The following SYTL2 variants were observed in gnomAD, a reference collection of about 807,000 sequenced individuals.
The protein encoded by SYTL2 is synaptotagmin-like protein 2.
A neutral mutation model predicts 198.7 loss-of-function variants in SYTL2; 165 were observed. That is an observed-to-expected ratio of 0.83 (90% CI 0.73 to 0.94). SYTL2 has a LOEUF of 0.94. Among genes scored for constraint, SYTL2 ranks in the 40% least tolerant of loss-of-function variants. The pLI is 0.00. For synonymous variants in SYTL2, 966 were observed against 917.7 expected (o/e 1.05, Z -0.95); for missense variants, 2,835 against 2,582.8 (o/e 1.10, Z -2.12).
chr11:85,739,526 T>C (rs979920552), intron 4 of SYTL2, among the ~76,000 whole-genome samples: 1 of 151,910 alleles, frequency 6.6e-6, no homozygotes, highest in Admixed American at 6.6e-5. Flanking sequence ...AAAACAAGAG[T>C]CTTATTTCCT....
chr11:85,697,838 T>C (rs2083629505), intron 18 of SYTL2, 141 bp downstream of exon 18: 2 of 596,016 alleles, frequency 3.4e-6, no homozygotes, highest in Non-Finnish European at 5.9e-6. Context: ...TATAGATTCC[T>C]CCAATTCATG....
chr11:85,843,849 A>G, the SYTL2 span, among the ~76,000 whole-genome samples: 1 of 152,216 alleles, frequency 6.6e-6, no homozygotes, highest in Admixed American at 6.5e-5. Flanking sequence ...AAATTGAGAC[A>G]CAGAAAGGTA....
intron 18 of SYTL2, among the ~76,000 whole-genome samples, chr11:85,696,732 A>G (rs1231048535): frequency 6.6e-6 from 1 of 152,210 alleles, no homozygotes; most frequent in Non-Finnish European, 1.5e-5. Context: ...ATTAAATAAC[A>G]TATGCAAAAC....
chr11:85,852,211 C>T, the SYTL2 span, among the ~76,000 whole-genome samples: 1 of 152,076 alleles, frequency 6.6e-6, no homozygotes, highest in Non-Finnish European at 1.5e-5. Flanking sequence ...TTCAAGAATG[C>T]CAAACAGGTG....
At chr11:85,827,346 A>G in the SYTL2 span, among the ~76,000 whole-genome samples, 1 of 152,144 alleles carries the variant, frequency 6.6e-6, no homozygotes, top group Non-Finnish European at 1.5e-5. Context: ...GAAATGAGGA[A>G]AAGGGATCCC....
intron 7 of SYTL2, among the ~76,000 whole-genome samples, chr11:85,731,035 T>G (rs541426982): frequency 1.1e-3 from 166 of 152,308 alleles, no homozygotes; most frequent in African/African-American, 3.8e-3. Context: ...ACAAGGGATG[T>G]GAAGGATCTC....
At chr11:85,761,508 C>G (rs748330129) in intron 1 of SYTL2, among the ~76,000 whole-genome samples, 2 of 152,120 alleles carry the variant, frequency 1.3e-5, no homozygotes, top group Non-Finnish European at 2.9e-5. Context: ...CTGTATTAGG[C>G]CTTGTGAGGA....
chr11:85,754,295 C>T (rs2091728317), intron 2 of SYTL2, among the ~76,000 whole-genome samples: 1 of 152,144 alleles, frequency 6.6e-6, no homozygotes, highest in Admixed American at 6.5e-5. Context: ...CTCTTCATAT[C>T]ATTGTCCAGA....
intron 4 of SYTL2, among the ~76,000 whole-genome samples, chr11:85,745,200 G>A (rs7939218): frequency 0.017 from 2,650 of 152,182 alleles, 96 homozygotes; most frequent in African/African-American, 0.06. Context: ...TCGCAGATTC[G>A]GCAATTGAAT....
At chr11:85,741,084 TCTTAG>T (rs2090754229) in intron 4 of SYTL2, among the ~76,000 whole-genome samples, 1 of 151,348 alleles carries the variant, frequency 6.6e-6, no homozygotes, top group South Asian at 2.1e-4. Flanking sequence ...TTTTTTTTTT[TCTTAG>T]CTTAAATGTT....
chr11:85,793,690 A>G (rs928606199), intron 1 of SYTL2, among the ~76,000 whole-genome samples: 2 of 152,208 alleles, frequency 1.3e-5, no homozygotes, highest in African/African-American at 4.8e-5. Context: ...TGTCATGGAA[A>G]TTGTTCCAAC....
In SYTL2 at chr11:85,726,124, A is replaced by G. The variant is rs111770919; in HGVS notation, c.3234T>C (p.Thr1078=). The part of the protein sequence containing the change: ...TFPLSPLRKY[T]YQLPGNESSK... ...ATGACTCATTTCCTGGCAACTGATA[A>G]GTATACTTTCTAAGTGGACTCAAAG... Residue 1078 remains threonine (T), a synonymous_variant, in exon 8 of 20, where the codon ACT becomes ACC. Coordinates refer to ENST00000359152, the MANE Select transcript of SYTL2 (RefSeq NM_206927.4). 1.9e-6 allele frequency: 3 copies of G among 1,613,930 alleles called. No individual in the cohort carries two copies. In the African/African-American group the frequency reaches 4.0e-5, roughly 22 times the overall value.
In SYTL2 at chr11:85,724,184, T is replaced by TCA. The variant is rs2088780385; in HGVS notation, c.5173_5174insTG (p.Lys1725MetfsTer13). 1 of 1,604,398 alleles carries TCA rather than the reference T, an allele frequency of 6.2e-7. No homozygotes were observed. Among genetic ancestry groups the TCA allele is most frequent in the African/African-American group, 1.3e-5 (1 of 74,102 alleles). The stretch of plus-strand genomic sequence containing the variant: ...TTTACTTGTTTTTGTAGAGTTTTCT[T>TCA]TGTTCATCAGGAGAGGAATGGGTTG... On this transcript the variant is annotated frameshift_variant, in exon 8 of 20. Transcript: ENST00000359152. LOFTEE classifies it high-confidence loss of function.
chr11:85,822,798 G>C, the SYTL2 span, among the ~76,000 whole-genome samples: 1 of 152,226 alleles, frequency 6.6e-6, no homozygotes, highest in Non-Finnish European at 1.5e-5. Context: ...CAGAGAGGAC[G>C]GACAAGCTGA....
intron 1 of SYTL2, among the ~76,000 whole-genome samples, chr11:85,797,884 C>T (rs887293159): frequency 1.3e-5 from 2 of 151,976 alleles, no homozygotes; most frequent in African/African-American, 4.8e-5. Flanking sequence ...GAAGGAGTCT[C>T]ACTCTGTCAC....
chr11:85,802,786 A>C (rs1026607821), intron 1 of SYTL2, among the ~76,000 whole-genome samples: 2 of 152,226 alleles, frequency 1.3e-5, no homozygotes, highest in Non-Finnish European at 2.9e-5. Context: ...TGAGAAAATG[A>C]ATGCAATTTT....
intron 1 of SYTL2, among the ~76,000 whole-genome samples, chr11:85,796,519 T>C (rs969323522): frequency 7.2e-5 from 11 of 152,204 alleles, no homozygotes; most frequent in Admixed American, 2.0e-4. Flanking sequence ...TGAGATATTA[T>C]GAAAAATGCA....
intron 1 of SYTL2, among the ~76,000 whole-genome samples, chr11:85,770,425 T>C (rs149229424): frequency 3.3e-5 from 5 of 152,302 alleles, no homozygotes; most frequent in African/African-American, 1.2e-4. Context: ...ACAATCCAGC[T>C]AGACTCATAT....
At chr11:85,771,431 A>C (rs572491705) in intron 1 of SYTL2, among the ~76,000 whole-genome samples, 1 of 152,240 alleles carries the variant, frequency 6.6e-6, no homozygotes, top group Non-Finnish European at 1.5e-5. Flanking sequence ...TTTCATTAGC[A>C]TAAGTTACAT....
Sources: allele counts gnomAD v4.1 joint callset (sites outside exome capture counted in the v4.1 genomes callset), GRCh38; gene constraint gnomAD v4.1.1; transcripts MANE v1.5; gene names NCBI Gene and HGNC (gene_info 2026-07-23, HGNC 2026-07-21).